Variants in DYNC2H1 observed in about 807,000 individuals in gnomAD.
DYNC2H1 encodes dynein cytoplasmic 2 heavy chain 1.
Under a neutral mutation model 570.0 loss-of-function variants are expected in DYNC2H1, and 410 were observed. The ratio of observed to expected loss-of-function variants is 0.72; its 90% confidence interval spans 0.66 to 0.78. DYNC2H1 has a LOEUF of 0.78. Among genes scored for constraint, DYNC2H1 ranks in the 30% least tolerant of loss-of-function variants. The pLI is 0.00. For synonymous variants in DYNC2H1, 1,688 were observed against 1,677.6 expected (o/e 1.01, Z -0.15); for missense variants, 4,865 against 5,046.4 (o/e 0.96, Z 1.09).
At chr11:103,176,906 A>G (rs1012816920) in intron 37 of DYNC2H1, among the ~76,000 whole-genome samples, 7 of 152,012 alleles carry the variant, frequency 4.6e-5, no homozygotes, top group African/African-American at 1.7e-4. Context: ...GCATTTCACC[A>G]TGTTGGCCAG....
intron 75 of DYNC2H1, among the ~76,000 whole-genome samples, chr11:103,293,238 C>A (rs1866685384): frequency 6.6e-6 from 1 of 152,190 alleles, no homozygotes; most frequent in South Asian, 2.1e-4. Flanking sequence ...CTGGATATGT[C>A]ATCCCCCTCC....
In DYNC2H1 at chr11:103,369,815, C is replaced by T. The variant is rs1239690870; in HGVS notation, c.12156+11456C>T. On this transcript the variant is annotated intron_variant, in intron 83 of 88. Transcript: ENST00000375735. The surrounding 1 kb of genome is among the most constrained non-coding windows in gnomAD (Gnocchi z 4.0). The stretch of plus-strand genomic sequence containing the variant: ...GTGCCCTGCATAACCAGCAGCAATA[C>T]CCACGTGTACTACATTGAGGGCCTT... Among the ~76,000 whole-genome samples the T allele has an allele frequency of 2.0e-5, 3 of 152,190 alleles. No homozygotes were observed. Among genetic ancestry groups the T allele is most frequent in the Non-Finnish European group, 2.9e-5 (2 of 68,040 alleles).
intron 77 of DYNC2H1, among the ~76,000 whole-genome samples, chr11:103,306,973 C>G (rs1272542857): frequency 1.3e-5 from 2 of 152,070 alleles, no homozygotes; most frequent in African/African-American, 2.4e-5. Flanking sequence ...TACAAAATGA[C>G]ATGGGTCATT....
chr11:103,116,565 T>TC lies in DYNC2H1; in HGVS notation c.622-4dup, dbSNP rs1225670436. On this transcript the variant is annotated splice_region_variant and splice_polypyrimidine_tract_variant and intron_variant, in intron 4 of 88. Coordinates refer to ENST00000375735, the MANE Select transcript of DYNC2H1 (RefSeq NM_001377.3). ...ATGTTTAAAAATTAATGCATTTTTT[T>TC]CTAGGAGTTTTATAACTTGGACAGT... The TC allele has an allele frequency of 1.3e-6, 2 of 1,570,310 alleles. No individual in the cohort carries two copies. The highest frequency in any genetic ancestry group is 1.7e-6 in the Non-Finnish European group (2 of 1,159,230).
chr11:103,318,244 AC>A (rs1337912693), intron 80 of DYNC2H1, among the ~76,000 whole-genome samples: 2 of 152,192 alleles, frequency 1.3e-5, no homozygotes, highest in African/African-American at 4.8e-5. Context: ...TAATCAAGAA[AC>A]AGAACATTAT....
At chr11:103,429,942 C>T (rs568803199) in intron 84 of DYNC2H1, among the ~76,000 whole-genome samples, 7 of 152,264 alleles carry the variant, frequency 4.6e-5, no homozygotes, top group African/African-American at 1.7e-4. Context: ...CTCCCTGTTT[C>T]AGGCACTGTG....
chr11:103,134,629 T>G (rs1321875400), intron 15 of DYNC2H1, among the ~76,000 whole-genome samples: 1 of 152,104 alleles, frequency 6.6e-6, no homozygotes, highest in Non-Finnish European at 1.5e-5. Context: ...TAAGTTCCTG[T>G]AGTGTCTTAT....
rs1165209591 is a variant in DYNC2H1, at chr11:103,363,434, C to CA, written c.12156+5079dup. On this transcript the variant is annotated intron_variant, in intron 83 of 88. Transcript: ENST00000375735. The surrounding 1 kb of genome is among the most constrained non-coding windows in gnomAD (Gnocchi z 5.6). Reference sequence around the variant, plus strand: ...TAAAGATTCTGGAATTTAGCAATTTCAAAATTGCTGTTAGGGGTTTAGATT... The same window carrying CA: ...TAAAGATTCTGGAATTTAGCAATTTCAAAAATTGCTGTTAGGGGTTTAGATT... Among the ~76,000 whole-genome samples the CA allele has an allele frequency of 1.3e-5, 2 of 152,130 alleles. No individual in the cohort carries two copies. The highest frequency in any genetic ancestry group is 4.8e-5 in the African/African-American group (2 of 41,438).
At position 103,268,307 on chromosome 11, in the gene DYNC2H1, C is replaced by A. The variant is rs1865583680; in HGVS notation, c.10695+8330C>A. 6.6e-6 allele frequency among the ~76,000 whole-genome samples: 1 copy of A among 151,904 alleles called. No homozygotes were observed. The highest frequency in any genetic ancestry group is 1.5e-5 in the Non-Finnish European group (1 of 67,874). ...CCAAGCTCTGGTTTATAAATGTTAT[C>A]TTATTGTTTTTAAAGTTGTTTATTT... On this transcript the variant is annotated intron_variant, in intron 70 of 88. Coordinates refer to ENST00000375735, the MANE Select transcript of DYNC2H1 (RefSeq NM_001377.3). The surrounding 1 kb of genome is among the most constrained non-coding windows in gnomAD (Gnocchi z 4.6).
At chr11:103,187,662 C>A in intron 43 of DYNC2H1, 76 bp downstream of exon 43, 2 of 1,525,780 alleles carry the variant, frequency 1.3e-6, no homozygotes, top group South Asian at 1.2e-5. Flanking sequence ...AGAAAATATT[C>A]ATTCTTCATT....
chr11:103,121,269 A>G, intron 9 of DYNC2H1, 103 bp from the exon 10 acceptor site: 2 of 1,334,938 alleles, frequency 1.5e-6, no homozygotes, highest in Non-Finnish European at 2.0e-6. Context: ...CCAACTCATT[A>G]TTTTTCTTTC....
chr11:103,206,977 G>C (rs1862952035), intron 52 of DYNC2H1, among the ~76,000 whole-genome samples: 2 of 151,906 alleles, frequency 1.3e-5, no homozygotes, highest in African/African-American at 2.4e-5. Flanking sequence ...GCTGGAGTGT[G>C]GTTGTGCAAT....
At chr11:103,182,032 C>G in intron 40 of DYNC2H1, 146 bp downstream of exon 40, 1 of 760,174 alleles carries the variant, frequency 1.3e-6, no homozygotes, top group Middle Eastern at 3.0e-4. Flanking sequence ...TCCTCTGTAT[C>G]TCTTAGCATA....
At chr11:103,431,112 C>T (rs1375809266) in intron 84 of DYNC2H1, among the ~76,000 whole-genome samples, 2 of 151,210 alleles carry the variant, frequency 1.3e-5, no homozygotes, top group Non-Finnish European at 2.9e-5. Flanking sequence ...ACCCTGGTTA[C>T]AGCCGGTTCT....
intron 83 of DYNC2H1, among the ~76,000 whole-genome samples, chr11:103,358,653 C>T (rs1475983543): frequency 6.6e-6 from 1 of 151,978 alleles, no homozygotes; most frequent in Admixed American, 6.6e-5. Context: ...AATTTTCTTC[C>T]TCTCAGGGCT....
At chr11:103,429,965 C>CA (rs1193822085) in intron 84 of DYNC2H1, among the ~76,000 whole-genome samples, 2 of 151,132 alleles carry the variant, frequency 1.3e-5, no homozygotes, top group Admixed American at 6.6e-5. Context: ...AAGCTAGAAT[C>CA]AAATGAAAGT....
At chr11:103,253,586 G>C (rs1454206182) in intron 66 of DYNC2H1, 138 bp downstream of exon 66, 4 of 841,468 alleles carry the variant, frequency 4.8e-6, no homozygotes, top group Non-Finnish European at 7.1e-6. Context: ...TTGTATGTTG[G>C]AGTGAAGCAT....
chr11:103,126,636 AT>A (rs35586253), intron 12 of DYNC2H1, among the ~76,000 whole-genome samples: 98,073 of 112,814 alleles, frequency 0.87, 42,048 homozygotes, highest in East Asian at 0.91. Flanking sequence ...TAGAACTCAT[AT>A]TTTTTTTTTT....
At chr11:103,342,511 T>C (rs1169217725) in intron 82 of DYNC2H1, among the ~76,000 whole-genome samples, 2 of 151,594 alleles carry the variant, frequency 1.3e-5, no homozygotes, top group Non-Finnish European at 2.9e-5. Context: ...GTGCCACCTT[T>C]TTTTTTTTTG....
Sources: allele counts gnomAD v4.1 joint callset (sites outside exome capture counted in the v4.1 genomes callset), GRCh38; gene constraint gnomAD v4.1.1; non-coding constraint Gnocchi (gnomAD v3.1); transcripts MANE v1.5; gene names NCBI Gene and HGNC (gene_info 2026-07-23, HGNC 2026-07-21).